EEFSEC: variants seen among roughly 807,000 people sequenced by gnomAD.
The protein encoded by EEFSEC is eukaryotic elongation factor, selenocysteine-tRNA specific, also known as selenocysteine-specific elongation factor.
Under a neutral mutation model 42.1 loss-of-function variants are expected in EEFSEC, and 43 were observed. The ratio of observed to expected loss-of-function variants is 1.02; its 90% confidence interval spans 0.80 to 1.32. The LOEUF (loss-of-function observed/expected upper bound fraction) is 1.32, where lower values mean the gene tolerates loss of function less well. Ranked by LOEUF, EEFSEC falls within the 40% of genes most tolerant of loss-of-function variation. EEFSEC has a pLI of 0.00. For synonymous variants in EEFSEC, 354 were observed against 339.1 expected (o/e 1.04, Z -0.48); for missense variants, 745 against 803.6 (o/e 0.93, Z 0.88).
At chr3:128,262,101 T>A in intron 2 of EEFSEC, 27 bp from the exon 3 acceptor site, 1 of 1,610,676 alleles carries the variant, frequency 6.2e-7, no homozygotes, top group Non-Finnish European at 8.5e-7. Context: ...TCTCTGTAAC[T>A]GTGATGGGAC....
intron 1 of EEFSEC, among the ~76,000 whole-genome samples, chr3:128,176,298 A>T (rs1044792219): frequency 6.6e-6 from 1 of 152,046 alleles, no homozygotes. Context: ...AGAGAAACTA[A>T]ATTAATATAC....
chr3:128,378,441 G>C (rs971727889), intron 6 of EEFSEC, among the ~76,000 whole-genome samples: 1 of 152,108 alleles, frequency 6.6e-6, no homozygotes, highest in African/African-American at 2.4e-5. Context: ...CTCCCGCCTG[G>C]GACAGGAATC....
intron 1 of EEFSEC, among the ~76,000 whole-genome samples, chr3:128,214,360 G>C (rs11707297): frequency 0.58 from 87,450 of 152,058 alleles, 27,867 homozygotes; most frequent in Non-Finnish European, 0.73. Context: ...GCCCAGGAAT[G>C]ATGAACATTT....
intron 4 of EEFSEC, among the ~76,000 whole-genome samples, chr3:128,339,737 GAT>G (rs1029868571): frequency 6.6e-6 from 1 of 152,140 alleles, no homozygotes; most frequent in Non-Finnish European, 1.5e-5. Flanking sequence ...TCACGCTGCT[GAT>G]AAAGACATAC....
Position 128,153,826 on chromosome 3 carries a change from G to T in EEFSEC, c.316+3G>T, listed in dbSNP as rs1248199062. The T allele has an allele frequency of 3.3e-6, 5 of 1,507,116 alleles. No individual in the cohort carries two copies. Among genetic ancestry groups the T allele is most frequent in the Non-Finnish European group, 4.4e-6 (5 of 1,134,390 alleles). 93.4% of individuals were successfully genotyped at this position (1,507,116 alleles called of 1,614,324 possible). A position where few individuals can be genotyped will look rare whatever the true frequency, so the allele number is the denominator to read the frequency against. On this transcript the variant is annotated splice_donor_region_variant and intron_variant, in intron 1 of 6. Transcript: ENST00000254730. ...CCTCATCCGGACCATCATCGGCGGT[G>T]AGCGCGGGCCGGGGCGGGAGCCGGG...
At chr3:128,392,891 C>T (rs757306685) in intron 6 of EEFSEC, among the ~76,000 whole-genome samples, 5 of 152,196 alleles carry the variant, frequency 3.3e-5, no homozygotes, top group Non-Finnish European at 7.4e-5. Context: ...GTGGTGGGTA[C>T]AGCCCCCTCC....
rs189166994 is a variant in EEFSEC at position 128,234,803 on chromosome 3, G to A, written c.317-12033G>A. ...CACAGATATGGTGTTAAGGGACGTCGATCCCAGTGAGAAAGTTATTCCCAT... is the reference window on the plus strand; with the variant it reads ...CACAGATATGGTGTTAAGGGACGTCAATCCCAGTGAGAAAGTTATTCCCAT... On this transcript the variant is annotated intron_variant, in intron 1 of 6. Coordinates refer to ENST00000254730, the MANE Select transcript of EEFSEC (RefSeq NM_021937.5). Among the ~76,000 whole-genome samples the A allele has an allele frequency of 1.9e-4, 29 of 152,294 alleles. No homozygotes were observed. The East Asian group carries it at 5.0e-3, about 26-fold the overall frequency.
At chr3:128,247,226 A>T (rs2066137646) in intron 2 of EEFSEC, among the ~76,000 whole-genome samples, 183 bp downstream of exon 2, 1 of 152,202 alleles carries the variant, frequency 6.6e-6, no homozygotes, top group African/African-American at 2.4e-5. Context: ...ACGTGTTTTT[A>T]AAAGAGGCCA....
intron 1 of EEFSEC, among the ~76,000 whole-genome samples, chr3:128,214,896 G>C (rs969058017): frequency 6.6e-6 from 1 of 152,236 alleles, no homozygotes; most frequent in Non-Finnish European, 1.5e-5. Context: ...ACTGATACCA[G>C]TGAATGATTT....
chr3:128,196,843 C>T (rs894226057), intron 1 of EEFSEC, among the ~76,000 whole-genome samples: 1 of 152,286 alleles, frequency 6.6e-6, no homozygotes, highest in African/African-American at 2.4e-5. Flanking sequence ...CCTCAAAGAG[C>T]CTCGCACAGT....
At position 128,314,766 on chromosome 3, in the gene EEFSEC, C is replaced by T. The variant is rs74897291; in HGVS notation, c.787-26467C>T. ...TATAACACCCCCACCCACCATGTGACGACCAAAAATGTATCCAGGTCCAGA... is the reference window on the plus strand; with the variant it reads ...TATAACACCCCCACCCACCATGTGATGACCAAAAATGTATCCAGGTCCAGA... On this transcript the variant is annotated intron_variant, in intron 4 of 6. Coordinates refer to ENST00000254730, the MANE Select transcript of EEFSEC (RefSeq NM_021937.5). Among the ~76,000 whole-genome samples, 427 of 152,312 alleles carry T rather than the reference C, an allele frequency of 2.8e-3. 1 individual carries two copies. The highest frequency in any genetic ancestry group is 9.3e-3 in the African/African-American group (388 of 41,570).
At chr3:128,286,606 T>G (rs1472806017) in intron 4 of EEFSEC, among the ~76,000 whole-genome samples, 2 of 152,214 alleles carry the variant, frequency 1.3e-5, no homozygotes, top group Non-Finnish European at 2.9e-5. Context: ...ATCCTTTTGT[T>G]TTCTGAGCAC....
chr3:128,260,738 G>C (rs1353015788), intron 2 of EEFSEC, among the ~76,000 whole-genome samples: 1 of 152,192 alleles, frequency 6.6e-6, no homozygotes, highest in African/African-American at 2.4e-5. Flanking sequence ...AACATCAAAA[G>C]CTCACTTGGT....
rs961931460 is a variant in EEFSEC, at chr3:128,357,806, T to TG, written c.1444-403dup. 4.9e-4 allele frequency among the ~76,000 whole-genome samples: 68 copies of TG among 139,916 alleles called. 2 individuals carry two copies. The highest frequency in any genetic ancestry group is 1.1e-3 in the Admixed American group (16 of 14,308). The allele number at this position is 139,916 out of a possible 152,430, so 91.8% of individuals were successfully genotyped here. ...CTGGGTCATTGTGGCCCCCCAGGGG[T>TG]GGGGGGGGCCTGCAACAGGGGCTTG... On this transcript the variant is annotated intron_variant, in intron 5 of 6. Coordinates refer to ENST00000254730, the MANE Select transcript of EEFSEC (RefSeq NM_021937.5).
intron 2 of EEFSEC, among the ~76,000 whole-genome samples, chr3:128,253,501 A>T (rs929392767): frequency 6.6e-6 from 1 of 152,158 alleles, no homozygotes; most frequent in Non-Finnish European, 1.5e-5. Flanking sequence ...GATGGTATGG[A>T]CACCACCAAG....
At chr3:128,262,735 G>A (rs1305085297) in intron 3 of EEFSEC, among the ~76,000 whole-genome samples, 1 of 152,220 alleles carries the variant, frequency 6.6e-6, no homozygotes, top group African/African-American at 2.4e-5. Flanking sequence ...AAGCTGTGGG[G>A]CTGAGGCCCA....
intron 1 of EEFSEC, among the ~76,000 whole-genome samples, chr3:128,203,888 T>A (rs996873006): frequency 3.9e-5 from 6 of 152,340 alleles, no homozygotes; most frequent in South Asian, 2.1e-4. Flanking sequence ...AAATCAATAA[T>A]CCCAGGAATT....
chr3:128,396,293 G>A (rs1393239932), intron 6 of EEFSEC, among the ~76,000 whole-genome samples: 2 of 152,216 alleles, frequency 1.3e-5, no homozygotes, highest in East Asian at 1.9e-4. Context: ...GCTACCTGGA[G>A]AGGAAGCTGG....
intron 6 of EEFSEC, among the ~76,000 whole-genome samples, chr3:128,391,147 T>A (rs1207337040): frequency 2.0e-5 from 3 of 152,122 alleles, no homozygotes; most frequent in Non-Finnish European, 4.4e-5. Context: ...CTGCATAGAG[T>A]AGGTGCTCGC....
Sources: gnomAD v4.1 joint callset for allele counts (sites outside exome capture counted in the v4.1 genomes callset) on GRCh38, gnomAD v4.1.1 for gene constraint, MANE v1.5 for transcripts, NCBI Gene and HGNC (gene_info 2026-07-23, HGNC 2026-07-21) for gene names.